The following ASIC2 variants were observed in gnomAD, a reference collection of about 807,000 sequenced individuals.
The protein encoded by ASIC2 is acid sensing ion channel subunit 2.
Under a neutral mutation model 57.3 loss-of-function variants are expected in ASIC2, and 25 were observed. That is an observed-to-expected ratio of 0.44 (90% CI 0.32 to 0.61). The LOEUF (loss-of-function observed/expected upper bound fraction) is 0.61. Among genes scored for constraint, ASIC2 ranks in the 20% least tolerant of loss-of-function variants. The pLI, the probability that ASIC2 is intolerant of heterozygous loss-of-function variation, is 0.06. For synonymous variants in ASIC2, 319 were observed against 307.5 expected, an observed-to-expected ratio of 1.04 and a Z score of -0.39; for missense variants, 641 against 738.1, an observed-to-expected ratio of 0.87 and a Z score of 1.52.
chr17:33,180,164 A>G (rs1396331194), intron 1 of ASIC2, among the ~76,000 whole-genome samples: 1 of 152,224 alleles, frequency 6.6e-6, no homozygotes, highest in Non-Finnish European at 1.5e-5. Flanking sequence ...CTCTTAACTC[A>G]TTGAAAACAG....
intron 1 of ASIC2, among the ~76,000 whole-genome samples, chr17:33,536,169 C>A (rs903414797): frequency 1.4e-5 from 2 of 147,316 alleles, no homozygotes; most frequent in East Asian, 1.9e-4. Context: ...TGCTTCTGAG[C>A]CGCTTCCAAA....
At chr17:33,889,698 G>T (rs959722406) in intron 1 of ASIC2, among the ~76,000 whole-genome samples, 5 of 152,182 alleles carry the variant, frequency 3.3e-5, no homozygotes, top group African/African-American at 9.7e-5. Context: ...AGCGTCCATT[G>T]TTAGGTTGGG....
At chr17:33,909,232 A>G (rs1232839550) in intron 1 of ASIC2, among the ~76,000 whole-genome samples, 1 of 152,224 alleles carries the variant, frequency 6.6e-6, no homozygotes, top group Non-Finnish European at 1.5e-5. Context: ...TCCTGTAACA[A>G]GAGGAGCTGT....
At chr17:33,493,403 T>A (rs1373743816) in intron 1 of ASIC2, among the ~76,000 whole-genome samples, 2 of 152,172 alleles carry the variant, frequency 1.3e-5, no homozygotes, top group African/African-American at 4.8e-5. Flanking sequence ...CCCAAGGGCA[T>A]CCCCTGTCTT....
intron 1 of ASIC2, chr17:33,827,599 C>T (rs1912972043): frequency 6.6e-6 from 1 of 151,690 alleles, no homozygotes; most frequent in Admixed American, 6.6e-5. Context: ...CTGCCTCGGC[C>T]TCCCAAAGTG....
intron 1 of ASIC2, among the ~76,000 whole-genome samples, chr17:33,959,942 G>A (rs925995615): frequency 1.3e-5 from 2 of 152,246 alleles, no homozygotes; most frequent in African/African-American, 4.8e-5. Context: ...AGAGCCCAAT[G>A]TCTCCTTTTT....
At chr17:33,178,758 A>C (rs970393192) in intron 1 of ASIC2, among the ~76,000 whole-genome samples, 2 of 152,216 alleles carry the variant, frequency 1.3e-5, no homozygotes, top group Admixed American at 1.3e-4. Flanking sequence ...ACAGCCCAAC[A>C]GAGGAGGGCC....
At chr17:34,126,729 T>A (rs1598039311) in intron 1 of ASIC2, among the ~76,000 whole-genome samples, 1 of 151,966 alleles carries the variant, frequency 6.6e-6, no homozygotes, top group Admixed American at 6.6e-5. Context: ...GGGATGGAGG[T>A]GGATGGGACC....
At chr17:33,126,759 C>T (rs1042864253) in intron 1 of ASIC2, among the ~76,000 whole-genome samples, 4 of 151,876 alleles carry the variant, frequency 2.6e-5, no homozygotes, top group African/African-American at 7.3e-5. Context: ...GCACTCCAGC[C>T]TGGTGACAGA....
At chr17:33,354,026 G>A (rs533040558) in intron 1 of ASIC2, among the ~76,000 whole-genome samples, 1 of 152,166 alleles carries the variant, frequency 6.6e-6, no homozygotes, top group African/African-American at 2.4e-5. Flanking sequence ...AGGAGCAAAG[G>A]CATGTCTTAC....
At chr17:33,692,531 G>A (rs1340017020) in intron 1 of ASIC2, 1 of 152,150 alleles carries the variant, frequency 6.6e-6, no homozygotes, top group African/African-American at 2.4e-5. Context: ...TAAAGTTTGT[G>A]TATCTAAAGC....
chr17:33,456,812 T>A (rs1567618594), intron 1 of ASIC2, among the ~76,000 whole-genome samples: 2 of 152,250 alleles, frequency 1.3e-5, no homozygotes, highest in African/African-American at 2.4e-5. Context: ...AAGCCCAGCC[T>A]TAGCATTGAT....
intron 5 of ASIC2, 70 bp downstream of exon 5, chr17:33,025,856 C>A: frequency 6.9e-7 from 1 of 1,439,370 alleles, no homozygotes; most frequent in Non-Finnish European, 9.4e-7. Flanking sequence ...TCCCCAAACC[C>A]AGATGATTTC....
chr17:33,424,346 C>T (rs1289176226), intron 1 of ASIC2, among the ~76,000 whole-genome samples: 2 of 152,218 alleles, frequency 1.3e-5, no homozygotes, highest in Non-Finnish European at 2.9e-5. Flanking sequence ...CTTTTGTCTG[C>T]ACCACTGTCT....
chr17:33,922,965 A>G (rs1326074574), intron 1 of ASIC2, among the ~76,000 whole-genome samples: 1 of 152,190 alleles, frequency 6.6e-6, no homozygotes, highest in East Asian at 1.9e-4. Flanking sequence ...CATTTGCTCC[A>G]GCTCCAAGCA....
chr17:33,599,720 T>TGTTC (rs1374688330), intron 1 of ASIC2, among the ~76,000 whole-genome samples: 1 of 152,164 alleles, frequency 6.6e-6, no homozygotes, highest in Non-Finnish European at 1.5e-5. Flanking sequence ...AGAAGAGGGC[T>TGTTC]GTTCTGTGCT....
chr17:33,485,550 A>G (rs1321655252), intron 1 of ASIC2, among the ~76,000 whole-genome samples: 1 of 152,216 alleles, frequency 6.6e-6, no homozygotes, highest in Non-Finnish European at 1.5e-5. Flanking sequence ...ACATTGTGAG[A>G]TGCTGACACA....
At chr17:34,092,638 C>A (rs1404794555) in intron 1 of ASIC2, among the ~76,000 whole-genome samples, 1 of 152,158 alleles carries the variant, frequency 6.6e-6, no homozygotes, top group Non-Finnish European at 1.5e-5. Context: ...GTAGACTCTT[C>A]CTTTCCCAGT....
chr17:33,266,639 C>T (rs781167532), intron 1 of ASIC2, among the ~76,000 whole-genome samples: 2 of 149,520 alleles, frequency 1.3e-5, no homozygotes, highest in Admixed American at 6.8e-5. Context: ...TCCGCACAAC[C>T]GTGGCTGCCC....
Sources: gnomAD v4.1 joint callset for allele counts (sites outside exome capture counted in the v4.1 genomes callset) on GRCh38, gnomAD v4.1.1 for gene constraint, MANE v1.5 for transcripts, NCBI Gene and HGNC (gene_info 2026-07-23, HGNC 2026-07-21) for gene names.